CNTN1: variants seen among roughly 807,000 people sequenced by gnomAD.
CNTN1 encodes contactin-1.
CNTN1 carries 38 observed loss-of-function variants against 126.4 expected under a neutral mutation model. The observed-to-expected ratio is 0.30, with a 90% CI of 0.23 to 0.39. The LOEUF (loss-of-function observed/expected upper bound fraction) is 0.39. Among genes scored for constraint, CNTN1 ranks in the 10% least tolerant of loss-of-function variants. CNTN1 has a pLI of 1.00. For synonymous variants in CNTN1, 413 were observed against 422.6 expected (o/e 0.98, Z 0.28); for missense variants, 1,009 against 1,248.4 (o/e 0.81, Z 2.89).
At chr12:40,776,470 T>G (rs1205091572) in intron 1 of CNTN1, among the ~76,000 whole-genome samples, 1 of 151,624 alleles carries the variant, frequency 6.6e-6, no homozygotes, top group Admixed American at 6.6e-5. Flanking sequence ...AATTCTTAGG[T>G]CTTCTGTGAA....
At chr12:40,981,632 C>A (rs866583356) in intron 16 of CNTN1, among the ~76,000 whole-genome samples, 3 of 151,994 alleles carry the variant, frequency 2.0e-5, no homozygotes, top group Non-Finnish European at 4.4e-5. Flanking sequence ...TAAAGTTGAT[C>A]GGGAAAAATT....
At position 40,828,823 on chromosome 12, in the gene CNTN1, C is replaced by T. The variant is rs572962745; in HGVS notation, c.-76-79534C>T. On this transcript the variant is annotated intron_variant, in intron 1 of 23. Coordinates refer to ENST00000551295, the MANE Select transcript of CNTN1 (RefSeq NM_001843.4). ...ATTAAAACAATTTGGACTAGCATGT[C>T]CTTGAGGGAAGACCTTGCTGTCAAA... Among the ~76,000 whole-genome samples, 189 of 152,240 alleles carry T rather than the reference C, an allele frequency of 1.2e-3. 1 individual carries two copies. Among genetic ancestry groups the T allele is most frequent in the Non-Finnish European group, 2.1e-3 (143 of 68,008 alleles).
intron 1 of CNTN1, among the ~76,000 whole-genome samples, chr12:40,834,135 CCA>C (rs1941958171): frequency 1.3e-5 from 2 of 152,126 alleles, no homozygotes; most frequent in African/African-American, 2.4e-5. Context: ...AAGAATCATA[CCA>C]CACAGAAAAC....
chr12:40,885,728 A>G (rs1476490867), intron 1 of CNTN1, among the ~76,000 whole-genome samples: 3 of 152,044 alleles, frequency 2.0e-5, no homozygotes, highest in Non-Finnish European at 4.4e-5. Context: ...TTTCTTCTCT[A>G]ATAAATTTGA....
intron 4 of CNTN1, among the ~76,000 whole-genome samples, chr12:40,921,092 A>T (rs555167051): frequency 3.9e-5 from 6 of 152,114 alleles, no homozygotes; most frequent in Non-Finnish European, 8.8e-5. Flanking sequence ...GGAAGGCTTT[A>T]TTCATTGGAT....
In CNTN1 at chr12:41,020,444, C is replaced by T. The variant is rs74076940; in HGVS notation, c.2523+4C>T. The T allele has an allele frequency of 1.6e-4, 257 of 1,571,942 alleles. No homozygotes were observed. The African/African-American group carries it at 2.9e-3, about 18-fold the overall frequency. On this transcript the variant is annotated splice_donor_region_variant and intron_variant, in intron 20 of 23. Transcript: ENST00000551295. ...AAAAATAGTGGAAAGCTATCAGGTA[C>T]GTTAAATTTTTATCAAACTAAATAC...
intron 8 of CNTN1, 41 bp downstream of exon 8, chr12:40,933,601 T>C (rs1171903213): frequency 6.6e-7 from 1 of 1,523,322 alleles, no homozygotes; most frequent in East Asian, 2.3e-5. Context: ...ATAGAAATAG[T>C]ACCATTTTAG....
At chr12:40,725,311 G>A (rs1189527794) in intron 1 of CNTN1, among the ~76,000 whole-genome samples, 4 of 140,064 alleles carry the variant, frequency 2.9e-5, no homozygotes, top group Non-Finnish European at 4.5e-5. Flanking sequence ...TGAGGCAGGA[G>A]AATCACTTGA....
At chr12:40,719,084 C>T (rs1425797055) in intron 1 of CNTN1, among the ~76,000 whole-genome samples, 1 of 152,220 alleles carries the variant, frequency 6.6e-6, no homozygotes, top group Middle Eastern at 3.4e-3. Flanking sequence ...TTTTTAAACA[C>T]TGAACAACTG....
At chr12:40,886,976 T>C (rs949714600) in intron 1 of CNTN1, among the ~76,000 whole-genome samples, 1 of 152,208 alleles carries the variant, frequency 6.6e-6, no homozygotes, top group African/African-American at 2.4e-5. Context: ...TGTAGCCTTG[T>C]AGTGTAGTTT....
intron 14 of CNTN1, among the ~76,000 whole-genome samples, chr12:40,948,512 T>G (rs1268554838): frequency 2.0e-5 from 3 of 152,096 alleles, no homozygotes; most frequent in Non-Finnish European, 4.4e-5. Flanking sequence ...GAGTGCATAT[T>G]ATTGTGATTT....
At chr12:40,924,809 G>T (rs1238991548) in intron 6 of CNTN1, among the ~76,000 whole-genome samples, 157 bp downstream of exon 6, 1 of 148,550 alleles carries the variant, frequency 6.7e-6, no homozygotes, top group African/African-American at 2.5e-5. Flanking sequence ...ACTAATTGTT[G>T]TGGACACTTT....
At chr12:40,706,107 T>TAG (rs1415681242) in intron 1 of CNTN1, among the ~76,000 whole-genome samples, 5 of 150,626 alleles carry the variant, frequency 3.3e-5, no homozygotes, top group African/African-American at 7.3e-5. Context: ...TATATATATA[T>TAG]ATATAGATAT....
chr12:40,999,889 G>T (rs1197458717), intron 17 of CNTN1, among the ~76,000 whole-genome samples: 1 of 151,728 alleles, frequency 6.6e-6, no homozygotes, highest in Non-Finnish European at 1.5e-5. Flanking sequence ...TGTATTTTTA[G>T]TAGAGATGGG....
At chr12:40,725,460 T>A (rs1942329360) in intron 1 of CNTN1, among the ~76,000 whole-genome samples, 1 of 151,588 alleles carries the variant, frequency 6.6e-6, no homozygotes, top group Non-Finnish European at 1.5e-5. Flanking sequence ...ATGGGAAATT[T>A]TTTCTCTTTT....
intron 1 of CNTN1, among the ~76,000 whole-genome samples, chr12:40,756,157 G>A (rs1938602977): frequency 6.6e-6 from 1 of 152,064 alleles, no homozygotes; most frequent in South Asian, 2.1e-4. Flanking sequence ...TTTTTGTAAT[G>A]TGTCATGAAA....
chr12:40,942,991 A>C (rs1946308995), intron 12 of CNTN1, among the ~76,000 whole-genome samples: 1 of 151,978 alleles, frequency 6.6e-6, no homozygotes, highest in Admixed American at 6.6e-5. Flanking sequence ...AATGACAGGC[A>C]ATTCAATATT....
At chr12:40,736,015 C>T (rs1225879503) in intron 1 of CNTN1, among the ~76,000 whole-genome samples, 1 of 151,992 alleles carries the variant, frequency 6.6e-6, no homozygotes, top group African/African-American at 2.4e-5. Flanking sequence ...ATTGTGATTA[C>T]CCTGCAGCTG....
intron 1 of CNTN1, among the ~76,000 whole-genome samples, chr12:40,800,607 T>G (rs1940608328): frequency 6.6e-6 from 1 of 151,974 alleles, no homozygotes; most frequent in African/African-American, 2.4e-5. Flanking sequence ...AGTGACGGCT[T>G]AATCATTGAG....
Sources: allele counts gnomAD v4.1 joint callset (sites outside exome capture counted in the v4.1 genomes callset), GRCh38; gene constraint gnomAD v4.1.1; transcripts MANE v1.5; gene names NCBI Gene and HGNC (gene_info 2026-07-23, HGNC 2026-07-21).